The following DMD variants were observed in gnomAD, a reference collection of about 807,000 sequenced individuals.
DMD encodes dystrophin, also known as mutant dystrophin.
A neutral mutation model predicts 330.1 loss-of-function variants in DMD; 63 were observed. That is an observed-to-expected ratio of 0.19 (90% confidence interval 0.16 to 0.24). The LOEUF is 0.24. Ranked by LOEUF, DMD falls within the 10% of genes least tolerant of loss-of-function variation. The pLI, the probability that DMD is intolerant of heterozygous loss-of-function variation, is 1.00. For missense variants in DMD, 3,344 were observed against 2,684.1 expected (o/e 1.25, Z -5.43); for synonymous variants, 1,223 against 959.8 (o/e 1.27, Z -5.07).
At chrX:32,161,739 T>C in intron 44 of DMD, among the ~76,000 whole-genome samples, 1 of 111,765 alleles carries the variant, frequency 8.9e-6, no homozygotes, top group Middle Eastern at 4.6e-3. Flanking sequence ...AGAGGATGTG[T>C]ATTATGTTCT....
At chrX:31,619,689 A>T (rs1416117778) in intron 55 of DMD, among the ~76,000 whole-genome samples, 1 of 112,250 alleles carries the variant, frequency 8.9e-6, no homozygotes, top group Non-Finnish European at 1.9e-5. Context: ...ATAAAATTAC[A>T]AAATCCAATA....
chrX:32,783,669 T>C (rs2075092957), intron 7 of DMD, among the ~76,000 whole-genome samples: 1 of 110,317 alleles, frequency 9.1e-6, no homozygotes, highest in South Asian at 3.8e-4. Flanking sequence ...ATTTATATTG[T>C]ATTAGGTATT....
Position 31,544,091 on chromosome X carries a change from G to A in DMD, c.8218-36638C>T, listed in dbSNP as rs773550424. On this transcript the variant is annotated intron_variant, in intron 55 of 78. Transcript: ENST00000357033. ...CGGTGGCTCAGCACTTTGGGAGGCC[G>A]AAGTGGGCGGACCACGAGGTCAGGA... is the stretch of plus-strand genomic sequence containing the variant. Among the ~76,000 whole-genome samples, 9 of 111,204 alleles carry A rather than the reference G, an allele frequency of 8.1e-5. No individual in the cohort carries two copies. In the East Asian group the frequency reaches 1.7e-3, roughly 21 times the overall value.
intron 9 of DMD, among the ~76,000 whole-genome samples, chrX:32,680,431 C>T (rs944196331): frequency 1.8e-5 from 2 of 111,110 alleles, no homozygotes. Context: ...TCCTCAGGCA[C>T]TGAGTAGAGT....
intron 29 of DMD, among the ~76,000 whole-genome samples, chrX:32,420,402 A>C (rs1044818422): frequency 8.9e-6 from 1 of 111,931 alleles, no homozygotes; most frequent in Non-Finnish European, 1.9e-5. Context: ...AAAAGATGAG[A>C]AGTCAAAATT....
chrX:31,805,536 C>T (rs16989828), intron 50 of DMD, among the ~76,000 whole-genome samples: 9,101 of 110,989 alleles, frequency 0.082, 530 homozygotes, highest in African/African-American at 0.19. Context: ...CCTAGTTATC[C>T]CCTTTCTTTG....
At chrX:31,739,351 C>A (rs2087119897) in intron 51 of DMD, among the ~76,000 whole-genome samples, 1 of 112,140 alleles carries the variant, frequency 8.9e-6, no homozygotes, top group African/African-American at 3.2e-5. Context: ...AATCACTGAT[C>A]ATTTGGCTAG....
intron 50 of DMD, among the ~76,000 whole-genome samples, chrX:31,819,294 G>A (rs1012146875): frequency 2.7e-5 from 3 of 112,292 alleles, no homozygotes; most frequent in Non-Finnish European, 5.6e-5. Flanking sequence ...GTCAGCTTGT[G>A]GTCCTCCCAA....
At chrX:31,751,637 G>A (rs189414387) in intron 51 of DMD, among the ~76,000 whole-genome samples, 1 of 111,434 alleles carries the variant, frequency 9.0e-6, no homozygotes. Context: ...AAATTCATAT[G>A]GCTAAAACGG....
At chrX:32,794,441 T>A (rs1269507820) in intron 7 of DMD, among the ~76,000 whole-genome samples, 1 of 110,586 alleles carries the variant, frequency 9.0e-6, no homozygotes, top group African/African-American at 3.3e-5. Flanking sequence ...TACAAAAAAT[T>A]AGCCGGGCAT....
Position 32,699,271 on chromosome X carries a change from A to G in DMD, c.672T>C (p.Asp224=), listed in dbSNP as rs1231620409. ...TGATGTACATTAAGATGGACTTCTT[A>G]TCTGGATAGGTGGTATCAACATCTG... is the stretch of plus-strand genomic sequence containing the variant. ...DPEDVDTTYP[D]KKSILMYITS... The change falls in exon 8 of 79, where the codon GAT becomes GAC. Residue 224 remains aspartate (D), a synonymous_variant. Transcript: ENST00000357033. The G allele has an allele frequency of 1.7e-6, 2 of 1,209,177 alleles. No homozygotes were observed. Among genetic ancestry groups the G allele is most frequent in the South Asian group, 1.8e-5 (1 of 56,945 alleles).
chrX:33,202,183 GT>G (rs1399263202), intron 1 of DMD, among the ~76,000 whole-genome samples: 1 of 111,560 alleles, frequency 9.0e-6, no homozygotes, highest in Admixed American at 9.5e-5. Context: ...TCTAGTTCTT[GT>G]TAGAAGATAC....
At chrX:31,861,664 G>A (rs866992612) in intron 48 of DMD, among the ~76,000 whole-genome samples, 152 of 95,387 alleles carry the variant, frequency 1.6e-3, no homozygotes, top group African/African-American at 5.8e-3. Flanking sequence ...GTGTGTGTGT[G>A]TGTATATATA....
intron 5 of DMD, among the ~76,000 whole-genome samples, chrX:32,821,934 G>A (rs2078295421): frequency 9.0e-6 from 1 of 111,046 alleles, no homozygotes; most frequent in Admixed American, 9.6e-5. Context: ...TGGTGGGGGG[G>A]AGTTATTCAT....
chrX:31,954,189 G>A (rs1268512505), intron 45 of DMD, among the ~76,000 whole-genome samples: 1 of 111,632 alleles, frequency 9.0e-6, no homozygotes, highest in East Asian at 2.8e-4. Context: ...AATCAGCCCA[G>A]CAAAAATAGA....
chrX:31,431,688 C>T (rs1436866864), intron 60 of DMD, among the ~76,000 whole-genome samples: 4 of 112,054 alleles, frequency 3.6e-5, no homozygotes, highest in Admixed American at 9.4e-5. Flanking sequence ...TGAGCCACTG[C>T]GCCTGGCCAG....
chrX:33,258,747 C>CA (rs951106283), intron 1 of DMD, among the ~76,000 whole-genome samples: 5 of 110,968 alleles, frequency 4.5e-5, no homozygotes, highest in African/African-American at 1.6e-4. Flanking sequence ...GTCACTCCTA[C>CA]AGAAGCTTTC....
chrX:32,888,843 G>T (rs1241065943), intron 2 of DMD, among the ~76,000 whole-genome samples: 1 of 111,561 alleles, frequency 9.0e-6, no homozygotes, highest in East Asian at 2.8e-4. Context: ...AGAAAATCCT[G>T]TAATTGGGAA....
chrX:32,697,346 C>G (rs1212773068), intron 9 of DMD, among the ~76,000 whole-genome samples: 1 of 111,504 alleles, frequency 9.0e-6, no homozygotes, highest in Non-Finnish European at 1.9e-5. Context: ...CTGCTATACA[C>G]AAGTTTAAAT....
Sources: gnomAD v4.1 joint callset for allele counts (sites outside exome capture counted in the v4.1 genomes callset) on GRCh38, gnomAD v4.1.1 for gene constraint, MANE v1.5 for transcripts, NCBI Gene and HGNC (gene_info 2026-07-23, HGNC 2026-07-21) for gene names.